VPS26A: variants seen among roughly 807,000 people sequenced by gnomAD.
The protein encoded by VPS26A is vacuolar protein sorting-associated protein 26A.
In VPS26A, 22 loss-of-function variants were observed where a neutral mutation model predicts 42.4. The observed-to-expected ratio is 0.52, with a 90% confidence interval of 0.37 to 0.74. The LOEUF (loss-of-function observed/expected upper bound fraction) is 0.74, where lower values mean the gene tolerates loss of function less well. VPS26A is among the 30% of genes least tolerant of loss of function. VPS26A has a pLI of 0.00. For missense variants in VPS26A, 276 were observed against 379.2 expected (o/e 0.73, Z 2.26); for synonymous variants, 110 against 123.5 (o/e 0.89, Z 0.73).
intron 2 of VPS26A, among the ~76,000 whole-genome samples, chr10:69,152,680 TA>T (rs990186579): frequency 3.3e-5 from 5 of 152,070 alleles, no homozygotes; most frequent in African/African-American, 1.2e-4. Flanking sequence ...TTTGTTATAG[TA>T]AAAAACGGCG....
intron 2 of VPS26A, among the ~76,000 whole-genome samples, chr10:69,145,969 T>A (rs574184972): frequency 6.6e-6 from 1 of 152,332 alleles, no homozygotes; most frequent in South Asian, 2.1e-4. Context: ...ACATTTCATA[T>A]AAATGGCATA....
chr10:69,154,253 C>G (rs538146458), intron 2 of VPS26A, among the ~76,000 whole-genome samples: 3 of 152,304 alleles, frequency 2.0e-5, no homozygotes, highest in East Asian at 3.9e-4. Context: ...CTTTGTAGAT[C>G]TGGCTGGGCG....
rs898411408 is a variant in VPS26A at position 69,129,543 on chromosome 10, G to GA, written c.4-3346dup. Among the ~76,000 whole-genome samples, 7 of 149,626 alleles carry GA rather than the reference G, an allele frequency of 4.7e-5. No individual in the cohort carries two copies. In the South Asian group the frequency reaches 1.1e-3, roughly 23 times the overall value. Reference sequence around the variant, plus strand: ...AGAAAAGATTAAAACGTGTCAAAAAGAAAAAAAAATTTTTTTTTTTTTTAA... The same window carrying GA: ...AGAAAAGATTAAAACGTGTCAAAAAGAAAAAAAAAATTTTTTTTTTTTTTAA... On this transcript the variant is annotated intron_variant, in intron 1 of 8. Coordinates refer to ENST00000263559, the MANE Select transcript of VPS26A (RefSeq NM_004896.5).
intron 6 of VPS26A, among the ~76,000 whole-genome samples, chr10:69,163,969 G>A (rs1325208809): frequency 6.6e-5 from 10 of 151,188 alleles, no homozygotes; most frequent in African/African-American, 2.4e-4. Context: ...GGGTTTCACC[G>A]TGTTAGCCAG....
At position 69,124,235 on chromosome 10, in the gene VPS26A, G is replaced by C; in HGVS notation, c.-43G>C. On this transcript the variant is annotated 5_prime_UTR_variant, in exon 1 of 9. Transcript: ENST00000263559. ...AGCCGGGGCTGGGAGTTCTCCTGAG[G>C]GAAGAGGAGTGGAGTAGGGGGGACG... 2 of 1,283,350 alleles carry C rather than the reference G, an allele frequency of 1.6e-6. No homozygotes were observed. 79.5% of individuals were successfully genotyped at this position (1,283,350 alleles called of 1,614,324 possible).
At chr10:69,125,204 G>C (rs757032113) in intron 1 of VPS26A, among the ~76,000 whole-genome samples, 2 of 152,188 alleles carry the variant, frequency 1.3e-5, no homozygotes, top group African/African-American at 2.4e-5. Flanking sequence ...TGGCTTAAAA[G>C]GCCGAGCCAG....
chr10:69,127,002 A>G (rs1438991553), intron 1 of VPS26A, among the ~76,000 whole-genome samples: 1 of 150,738 alleles, frequency 6.6e-6, no homozygotes, highest in African/African-American at 2.4e-5. Flanking sequence ...TCTGTCGCCC[A>G]GGCTGGAGTG....
chr10:69,155,759 G>A, intron 2 of VPS26A, 53 bp from the exon 3 acceptor site: 2 of 1,392,404 alleles, frequency 1.4e-6, no homozygotes, highest in Non-Finnish European at 1.0e-6. Flanking sequence ...GAAGCTACTA[G>A]TAGGCCCACT....
At chr10:69,164,954 C>T (rs112642427) in intron 6 of VPS26A, among the ~76,000 whole-genome samples, 6,240 of 147,274 alleles carry the variant, frequency 0.042, 454 homozygotes, top group African/African-American at 0.15. Context: ...TTGGAGACGG[C>T]GTCTCCCTCT....
intron 6 of VPS26A, 143 bp downstream of exon 6, chr10:69,162,655 TG>T (rs1338720720): frequency 2.0e-6 from 1 of 489,164 alleles, no homozygotes; most frequent in South Asian, 3.2e-5. Context: ...AGTTATTTAA[TG>T]TTTTTTTAAA....
chr10:69,151,264 CAAA>C (rs1192297497), intron 2 of VPS26A, among the ~76,000 whole-genome samples: 17 of 30,432 alleles, frequency 5.6e-4, no homozygotes, highest in African/African-American at 1.9e-3. Context: ...GACTCCATGT[CAAA>C]AAAAAAAAAA....
At position 69,169,575 on chromosome 10, in the gene VPS26A, G is replaced by A. The variant is rs918320285; in HGVS notation, c.870+944G>A. ...GCCTCCCAAAGTGCTGGGATTACAGGCGTGAGCCACCATGCCCAGCCTCTA... is the reference window on the plus strand; with the variant it reads ...GCCTCCCAAAGTGCTGGGATTACAGACGTGAGCCACCATGCCCAGCCTCTA... On this transcript the variant is annotated intron_variant, in intron 8 of 8. Transcript: ENST00000263559. 5.9e-5 allele frequency among the ~76,000 whole-genome samples: 9 copies of A among 151,966 alleles called. No individual in the cohort carries two copies. In the East Asian group the frequency reaches 1.7e-3, roughly 29 times the overall value.
At chr10:69,156,925 C>G (rs1053894195) in intron 3 of VPS26A, 82 bp from the exon 4 acceptor site, 1 of 1,257,414 alleles carries the variant, frequency 8.0e-7, no homozygotes, top group African/African-American at 1.5e-5. Context: ...TGGTAAAAAT[C>G]GTTTGTGTTT....
chr10:69,138,271 TTGG>T (rs1456538621), intron 2 of VPS26A, among the ~76,000 whole-genome samples: 4 of 152,162 alleles, frequency 2.6e-5, no homozygotes, highest in Admixed American at 6.6e-5. Flanking sequence ...CATTCACCAG[TTGG>T]TGGGTATTTG....
At chr10:69,151,325 G>A (rs1213071867) in intron 2 of VPS26A, among the ~76,000 whole-genome samples, 1 of 148,810 alleles carries the variant, frequency 6.7e-6, no homozygotes, top group Non-Finnish European at 1.5e-5. Flanking sequence ...GGTGGCAGTT[G>A]CCTGTAATCC....
chr10:69,151,276 A>AAAAAAAAAAAAAAAAAAC (rs1554854511), intron 2 of VPS26A, among the ~76,000 whole-genome samples: 4 of 69,030 alleles, frequency 5.8e-5, no homozygotes, highest in African/African-American at 1.6e-4. Flanking sequence ...AAAAAAAAAA[A>AAAAAAAAAAAAAAAAAAC]AAAAAAACAC....
intron 8 of VPS26A, 63 bp from the exon 9 acceptor site, chr10:69,171,093 A>G (rs761825970): frequency 1.3e-5 from 17 of 1,284,522 alleles, no homozygotes; most frequent in Non-Finnish European, 1.9e-5. Flanking sequence ...TGAAGTGGCA[A>G]TCAATAGAGA....
At chr10:69,150,072 A>AT (rs145909057) in intron 2 of VPS26A, among the ~76,000 whole-genome samples, 6,215 of 137,148 alleles carry the variant, frequency 0.045, 450 homozygotes, top group African/African-American at 0.16. Flanking sequence ...ATTTTTATTT[A>AT]TTTTTTATTT....
chr10:69,151,223 C>CCACTG (rs1345751690), intron 2 of VPS26A, among the ~76,000 whole-genome samples: 1 of 146,504 alleles, frequency 6.8e-6, no homozygotes, highest in African/African-American at 2.7e-5. Flanking sequence ...TGAGATCAGG[C>CCACTG]CACTGCACTC....
Sources: gnomAD v4.1 joint callset for allele counts (sites outside exome capture counted in the v4.1 genomes callset) on GRCh38, gnomAD v4.1.1 for gene constraint, MANE v1.5 for transcripts, NCBI Gene and HGNC (gene_info 2026-07-23, HGNC 2026-07-21) for gene names.